The following ASPDH variants were observed in gnomAD, a reference collection of about 807,000 sequenced individuals.
ASPDH encodes aspartate dehydrogenase domain-containing protein.
A neutral mutation model predicts 30.5 loss-of-function variants in ASPDH; 25 were observed. The observed-to-expected ratio is 0.82, with a 90% CI of 0.60 to 1.14. The LOEUF is 1.14. Among genes scored for constraint, ASPDH ranks in the 50% most tolerant of loss-of-function variants. ASPDH has a pLI of 0.00. For missense variants in ASPDH, 401 were observed against 381.5 expected (o/e 1.05, Z -0.43); for synonymous variants, 168 against 156.3 (o/e 1.07, Z -0.56).
upstream of ASPDH, chr19:50,515,066 C>T (rs901780697): frequency 1.0e-6 from 1 of 985,250 alleles, no homozygotes; most frequent in Admixed American, 6.1e-5. Context: ...TACCTTCTGA[C>T]TCCTGCTGGG....
chr19:50,512,245 C>T lies in ASPDH; in HGVS notation c.699G>A (p.Arg233=). 6.2e-7 allele frequency: 1 copy of T among 1,612,762 alleles called. No individual in the cohort carries two copies. Among genetic ancestry groups the T allele is most frequent in the Non-Finnish European group, 8.5e-7 (1 of 1,179,742 alleles). Residue 233 remains arginine, a synonymous_variant, in exon 6 of 7, where the codon CGG becomes CGA. Transcript: ENST00000389208. ...HVVDVELSGP[R]GPTGRSFAVH... is the part of the protein sequence containing the mutation. The stretch of plus-strand genomic sequence containing the variant: ...CAGCAAAGCTTCGGCCCGTGGGGCC[C>T]CGGGGTCCGCTCAGCTCTACATCCA...
Position 50,513,754 on chromosome 19 carries a change from G to T in ASPDH, c.52+18C>A. The T allele has an allele frequency of 6.6e-7, 1 of 1,526,650 alleles. No individual in the cohort carries two copies. The highest frequency in any genetic ancestry group is 8.9e-7 in the Non-Finnish European group (1 of 1,124,734). 94.6% of individuals were successfully genotyped at this position (1,526,650 alleles called of 1,614,324 possible). Reference sequence around the variant, plus strand: ...GAAGGGGTTTGGGGAAGGAGGCCAAGGATGGTCAGGGACTCACCGAGGCGG... The same window carrying T: ...GAAGGGGTTTGGGGAAGGAGGCCAATGATGGTCAGGGACTCACCGAGGCGG... On this transcript the variant is annotated intron_variant, in intron 1 of 6. Coordinates refer to ENST00000389208, the MANE Select transcript of ASPDH (RefSeq NM_001114598.2). This position sits in a 1 kb window ranked among gnomAD's most constrained non-coding sequence, Gnocchi z 4.9.
chr19:50,513,636 G>T lies in ASPDH; in HGVS notation c.52+136C>A, dbSNP rs537068882. The T allele has an allele frequency of 6.5e-5, 51 of 782,572 alleles. No homozygotes were observed. Among genetic ancestry groups the T allele is most frequent in the Non-Finnish European group, 1.0e-4 (48 of 477,516 alleles). The allele number at this position is 782,572 out of a possible 1,614,324, so 48.5% of individuals were successfully genotyped here. Reference sequence around the variant, plus strand: ...GACGGAGAGGACAGAGACCTGGGGTGGGGGTGCAGTGGGCAGACCCAGAGA... The same window carrying T: ...GACGGAGAGGACAGAGACCTGGGGTTGGGGTGCAGTGGGCAGACCCAGAGA... On this transcript the variant is annotated intron_variant, in intron 1 of 6. Transcript: ENST00000389208. The surrounding 1 kb of genome is among the most constrained non-coding windows in gnomAD (Gnocchi z 4.9).
chr19:50,511,788 G>T lies in ASPDH; in HGVS notation c.809-15C>A. On this transcript the variant is annotated splice_polypyrimidine_tract_variant and intron_variant, in intron 6 of 6. Transcript: ENST00000389208. Reference sequence around the variant, plus strand: ...CTGGCAGCAGGCTGCGGGGAGAGGGGAATGAGCGAATGAGACAGAGGAGAG... The same window carrying T: ...CTGGCAGCAGGCTGCGGGGAGAGGGTAATGAGCGAATGAGACAGAGGAGAG... The T allele has an allele frequency of 1.5e-6, 2 of 1,291,298 alleles. No individual in the cohort carries two copies. The highest frequency in any genetic ancestry group is 2.5e-5 in the South Asian group (1 of 39,378). 80.0% of individuals were successfully genotyped at this position (1,291,298 alleles called of 1,614,324 possible). A position where few individuals can be genotyped will look rare whatever the true frequency, so the allele number is the denominator to read the frequency against.
Position 50,512,741 on chromosome 19 carries a change from C to A in ASPDH, c.352G>T (p.Asp118Tyr), listed in dbSNP as rs1980024639. 2 of 1,556,636 alleles carry A rather than the reference C, an allele frequency of 1.3e-6. No homozygotes were observed. The highest frequency in any genetic ancestry group is 2.0e-5 in the Admixed American group (1 of 51,150). ...RQLLEASQHW[D>Y]HAVFVARGAL... ...CCTCGGGCCACAAACACGGCGTGGT[C>A]CCAGTGCTGTGAGGCCTCCAAGAGC... The change falls in exon 4 of 7, where the codon GAC (aspartate) becomes TAC (tyrosine). Residue 118 changes from aspartate (D) to tyrosine (Y), a missense_variant. Asp to Tyr is a radical substitution (Grantham distance 160). Transcript: ENST00000389208.
rs1408711410 is a variant in ASPDH at position 50,513,371 on chromosome 19, C to T, written c.98G>A (p.Gly33Asp). The T allele has an allele frequency of 1.3e-6, 2 of 1,540,294 alleles. No homozygotes were observed. The highest frequency in any genetic ancestry group is 1.8e-6 in the Non-Finnish European group (2 of 1,141,858). Residue 33 changes from glycine (G) to aspartate (D), a missense_variant, in exon 2 of 7, where the codon GGC (glycine) becomes GAC (aspartate). Physicochemically the swap from Gly to Asp is moderately conservative, Grantham distance 94 (BLOSUM62 -1). Coordinates refer to ENST00000389208, the MANE Select transcript of ASPDH (RefSeq NM_001114598.2). The surrounding 1 kb of genome is among the most constrained non-coding windows in gnomAD (Gnocchi z 4.9). ...SRLLAQGPEL[G>D]LELVFVWNRD... is the part of the protein sequence containing the mutation. ...ATTCCAGACAAAAACAAGTTCTAGGCCAAGTTCTGGTCCCTGAGCCAAGAG... is the reference window on the plus strand; with the variant it reads ...ATTCCAGACAAAAACAAGTTCTAGGTCAAGTTCTGGTCCCTGAGCCAAGAG...
rs910767449 is a variant in ASPDH, at chr19:50,513,192, C to A, written c.197+80G>T. The A allele has an allele frequency of 2.8e-5, 37 of 1,342,016 alleles. No individual in the cohort carries two copies. The highest frequency in any genetic ancestry group is 3.4e-5 in the Non-Finnish European group (34 of 1,003,038). 83.1% of individuals were successfully genotyped at this position (1,342,016 alleles called of 1,614,324 possible). On this transcript the variant is annotated intron_variant, in intron 2 of 6. Coordinates refer to ENST00000389208, the MANE Select transcript of ASPDH (RefSeq NM_001114598.2). The surrounding 1 kb of genome is among the most constrained non-coding windows in gnomAD (Gnocchi z 4.9). ...CCAAGGCCCAGAGAGGGTCAGGGAA[C>A]CCCTGAGATCACACAGTGGCTAAGA...
At chr19:50,514,057 G>C (rs1231832356), upstream of ASPDH, among the ~76,000 whole-genome samples, 3 of 152,176 alleles carry the variant, frequency 2.0e-5, no homozygotes, top group Non-Finnish European at 4.4e-5. Flanking sequence ...TGGTGACCGG[G>C]GGTTCTGGGA....
Position 50,513,813 on chromosome 19 carries a change from C to T in ASPDH, c.11G>A (p.Arg4Lys). The T allele has an allele frequency of 1.9e-6, 3 of 1,550,770 alleles. No homozygotes were observed. Among genetic ancestry groups the T allele is most frequent in the Non-Finnish European group, 2.6e-6 (3 of 1,146,828 alleles). ...CACCACGCCCACCCTCCACGGGCCCCTGTCGGCCATGGCCCTGAGTGCGGT... is the reference window on the plus strand; with the variant it reads ...CACCACGCCCACCCTCCACGGGCCCTTGTCGGCCATGGCCCTGAGTGCGGT... MAD[R>K]GPWRVGVVGY... Residue 4 changes from arginine (R) to lysine (K), a missense_variant, in exon 1 of 7, where the codon AGG becomes AAG. Physicochemically the swap from Arg to Lys is conservative, Grantham distance 26. Transcript: ENST00000389208. This position sits in a 1 kb window ranked among gnomAD's most constrained non-coding sequence, Gnocchi z 4.9.
upstream of ASPDH, chr19:50,514,701 T>A (rs1434405908): frequency 3.4e-5 from 48 of 1,416,612 alleles, no homozygotes; most frequent in Non-Finnish European, 4.3e-5. Context: ...GCAGGCTCCC[T>A]GCCCCCAGCC....
Position 50,513,092 on chromosome 19 carries a change from G to A in ASPDH, c.198-81C>T, listed in dbSNP as rs1370076755. 2 of 1,348,986 alleles carry A rather than the reference G, an allele frequency of 1.5e-6. No individual in the cohort carries two copies. Among genetic ancestry groups the A allele is most frequent in the Admixed American group, 4.4e-5 (2 of 45,958 alleles). The allele number at this position is 1,348,986 out of a possible 1,614,324, so 83.6% of individuals were successfully genotyped here. On this transcript the variant is annotated intron_variant, in intron 2 of 6. Transcript: ENST00000389208. The surrounding 1 kb of genome is among the most constrained non-coding windows in gnomAD (Gnocchi z 4.9). ...CCAAGGTTCCCTCCGAGTCTACTGA[G>A]GGCTGCCCTTCTTCTCCCTGACCTG...
chr19:50,513,147 C>T lies in ASPDH; in HGVS notation c.197+125G>A, dbSNP rs1980066424. ...GCGAAATGAGATGAATGGGTTCGTC[C>T]TGTTTCACATTTGCTTGAACCAAGG... On this transcript the variant is annotated intron_variant, in intron 2 of 6. Transcript: ENST00000389208. The surrounding 1 kb of genome is among the most constrained non-coding windows in gnomAD (Gnocchi z 4.9). 2 of 1,256,896 alleles carry T rather than the reference C, an allele frequency of 1.6e-6. No individual in the cohort carries two copies. Among genetic ancestry groups the T allele is most frequent in the East Asian group, 2.5e-5 (1 of 40,140 alleles). 77.9% of individuals were successfully genotyped at this position (1,256,896 alleles called of 1,614,324 possible). A position where few individuals can be genotyped will look rare whatever the true frequency, so the allele number is the denominator to read the frequency against.
upstream of ASPDH, among the ~76,000 whole-genome samples, chr19:50,514,151 C>T (rs113534071): frequency 2.0e-5 from 3 of 152,202 alleles, no homozygotes; most frequent in South Asian, 4.1e-4. Flanking sequence ...CCCCTGCCCC[C>T]TCTCTGGCCG....
At chr19:50,512,902 C>A (rs202211402) in intron 3 of ASPDH, 25 bp downstream of exon 3, 3 of 1,607,836 alleles carry the variant, frequency 1.9e-6, no homozygotes, top group Non-Finnish European at 2.6e-6. Context: ...CAGGGCTCTG[C>A]GTAAATGGTT....
In ASPDH at chr19:50,513,596, G is replaced by A. The variant is rs1352046945; in HGVS notation, c.52+176C>T. Among the ~76,000 whole-genome samples, 1 of 152,100 alleles carries A rather than the reference G, an allele frequency of 6.6e-6. No individual in the cohort carries two copies. Among genetic ancestry groups the A allele is most frequent in the Non-Finnish European group, 1.5e-5 (1 of 68,004 alleles). On this transcript the variant is annotated intron_variant, in intron 1 of 6. Transcript: ENST00000389208. This position sits in a 1 kb window ranked among gnomAD's most constrained non-coding sequence, Gnocchi z 4.9. ...ACAGTGGGGTGGACAGAGGCCCAGA[G>A]AGAAGGGAGACAGAGACGGAGAGGA...
At position 50,513,457 on chromosome 19, in the gene ASPDH, G is replaced by A. The variant is rs985143071; in HGVS notation, c.53-41C>T. 12 of 1,453,848 alleles carry A rather than the reference G, an allele frequency of 8.3e-6. No individual in the cohort carries two copies. Among genetic ancestry groups the A allele is most frequent in the Non-Finnish European group, 1.1e-5 (12 of 1,100,248 alleles). 90.1% of individuals were successfully genotyped at this position (1,453,848 alleles called of 1,614,324 possible). On this transcript the variant is annotated intron_variant, in intron 1 of 6. Coordinates refer to ENST00000389208, the MANE Select transcript of ASPDH (RefSeq NM_001114598.2). The surrounding 1 kb of genome is among the most constrained non-coding windows in gnomAD (Gnocchi z 4.9). Reference sequence around the variant, plus strand: ...GGAGAGGGCTAGAGATCCAGAGAGAGGGGGACAGAGACCCAGAGAGAGAGG... The same window carrying A: ...GGAGAGGGCTAGAGATCCAGAGAGAAGGGGACAGAGACCCAGAGAGAGAGG...
Position 50,513,276 on chromosome 19 carries a change from C to G in ASPDH, c.193G>C (p.Glu65Gln). 3 of 1,479,814 alleles carry G rather than the reference C, an allele frequency of 2.0e-6. No individual in the cohort carries two copies. Among genetic ancestry groups the G allele is most frequent in the Non-Finnish European group, 2.7e-6 (3 of 1,114,016 alleles). 91.7% of individuals were successfully genotyped at this position (1,479,814 alleles called of 1,614,324 possible). Residue 65 changes from glutamate (E) to glutamine (Q), a missense_variant, in exon 2 of 7, where the codon GAA becomes CAA. Coordinates refer to ENST00000389208, the MANE Select transcript of ASPDH (RefSeq NM_001114598.2). The surrounding 1 kb of genome is among the most constrained non-coding windows in gnomAD (Gnocchi z 4.9). ...LQLQNLAALG[E>Q]RRPDLVVEVA... ...TCCCATGGCAAGGTCACTGACCTTT[C>G]CCCAAGGGCAGCAAGGTTCTGGAGC...
Position 50,512,416 on chromosome 19 carries a change from C to T in ASPDH, c.597G>A (p.Leu199=), listed in dbSNP as rs1441675167. 1 of 1,612,660 alleles carries T rather than the reference C, an allele frequency of 6.2e-7. No homozygotes were observed. The highest frequency in any genetic ancestry group is 1.7e-5 in the Admixed American group (1 of 59,816). Reference sequence around the variant, plus strand: ...CATCGAAGCCCAGGCTGGGGGCAGCCAGGGCAGCCGCCGCCATGGTGTTGG... The same window carrying T: ...CATCGAAGCCCAGGCTGGGGGCAGCTAGGGCAGCCGCCGCCATGGTGTTGG... ...RNSNTMAAAA[L]AAPSLGFDGV... is the part of the protein sequence containing the mutation. The change falls in exon 5 of 7, where the codon CTG becomes CTA. Residue 199 remains leucine (L), a synonymous_variant. Coordinates refer to ENST00000389208, the MANE Select transcript of ASPDH (RefSeq NM_001114598.2).
upstream of ASPDH, chr19:50,514,393 G>T: frequency 1.3e-6 from 2 of 1,585,890 alleles, no homozygotes; most frequent in Non-Finnish European, 8.6e-7. Flanking sequence ...AACCTCCCTA[G>T]CCCCGCTGCG....
Sources: gnomAD v4.1 joint callset for allele counts (sites outside exome capture counted in the v4.1 genomes callset) on GRCh38, gnomAD v4.1.1 for gene constraint, Gnocchi (gnomAD v3.1) non-coding constraint, MANE v1.5 for transcripts, NCBI Gene and HGNC (gene_info 2026-07-23, HGNC 2026-07-21) for gene names.